The following NEDD9 variants were observed in gnomAD, a reference collection of about 807,000 sequenced individuals.
NEDD9 encodes the protein neural precursor cell expressed, developmentally down-regulated 9.
NEDD9 carries 26 observed loss-of-function variants against 76.6 expected under a neutral mutation model. The observed-to-expected ratio is 0.34, with a 90% CI of 0.25 to 0.47. The LOEUF is 0.47. Ranked by LOEUF, NEDD9 falls within the 20% of genes least tolerant of loss-of-function variation. The pLI, the probability that NEDD9 is intolerant of heterozygous loss-of-function variation, is 1.00. For missense variants in NEDD9, 937 were observed against 1,058.5 expected (o/e 0.89, Z 1.59); for synonymous variants, 392 against 414.2 (o/e 0.95, Z 0.65).
intron 1 of NEDD9, among the ~76,000 whole-genome samples, chr6:11,371,293 A>G (rs79493119): frequency 0.066 from 10,119 of 152,196 alleles, 368 homozygotes; most frequent in Non-Finnish European, 0.067. Context: ...CCCCAAGTCT[A>G]TAGTTGACAG....
chr6:11,273,354 T>C (rs1760352434), intron 3 of NEDD9, among the ~76,000 whole-genome samples: 2 of 152,246 alleles, frequency 1.3e-5, no homozygotes, highest in African/African-American at 2.4e-5. Context: ...ATCAGTTACT[T>C]AAGACTCTGG....
chr6:11,297,621 TC>T (rs1376929208), intron 3 of NEDD9, among the ~76,000 whole-genome samples: 2 of 152,216 alleles, frequency 1.3e-5, no homozygotes, highest in African/African-American at 4.8e-5. Context: ...TCTCATCTTC[TC>T]CCTTCAATGA....
chr6:11,233,972 A>G (rs1036691322), upstream of NEDD9, among the ~76,000 whole-genome samples: 1 of 152,046 alleles, frequency 6.6e-6, no homozygotes, highest in Non-Finnish European at 1.5e-5. Flanking sequence ...CTCTACTTTT[A>G]TGATCTAAGC....
chr6:11,360,856 C>T (rs1172304470), intron 1 of NEDD9, among the ~76,000 whole-genome samples: 2 of 152,134 alleles, frequency 1.3e-5, no homozygotes, highest in Non-Finnish European at 2.9e-5. Context: ...ATTCAAGAAA[C>T]AACAATGAGC....
chr6:11,275,547 C>CAT (rs1464929184), intron 3 of NEDD9, among the ~76,000 whole-genome samples: 12 of 147,866 alleles, frequency 8.1e-5, no homozygotes, highest in East Asian at 4.3e-4. Flanking sequence ...TACATACATA[C>CAT]ACACACACAC....
chr6:11,213,243 A>G lies in NEDD9; in HGVS notation c.459+38T>C. On this transcript the variant is annotated intron_variant, in intron 2 of 6. Transcript: ENST00000379446. The surrounding 1 kb of genome is among the most constrained non-coding windows in gnomAD (Gnocchi z 5.4). ...GCTCCAAGTGTAATGGGAAAAAAAA[A>G]TAAGTAGGAACAAAAATTTAGTTAG... 1 of 1,533,344 alleles carries G rather than the reference A, an allele frequency of 6.5e-7. No individual in the cohort carries two copies. Among genetic ancestry groups the G allele is most frequent in the African/African-American group, 1.4e-5 (1 of 72,126 alleles). The allele number at this position is 1,533,344 out of a possible 1,614,324, so 95.0% of individuals were successfully genotyped here.
At chr6:11,330,140 G>A (rs937328375) in intron 2 of NEDD9, among the ~76,000 whole-genome samples, 1 of 152,102 alleles carries the variant, frequency 6.6e-6, no homozygotes, top group Admixed American at 6.5e-5. Context: ...CCATGCAACT[G>A]GTAGCTACTC....
rs375651132 is a variant in NEDD9, at chr6:11,190,384, G to C, written c.1485C>G (p.Ser495=). The C allele has an allele frequency of 8.7e-6, 14 of 1,614,068 alleles. No individual in the cohort carries two copies. Among genetic ancestry groups the C allele is most frequent in the Admixed American group, 1.7e-5 (1 of 59,996 alleles). The change falls in exon 5 of 7, where the codon TCC becomes TCG. Residue 495 remains serine, a synonymous_variant. Transcript: ENST00000379446. This position sits in a 1 kb window ranked among gnomAD's most constrained non-coding sequence, Gnocchi z 5.8. ...GGCTGGTTTGACTCAGGATCTGGTG[G>C]GAGTCTTCAACTCGTTGCAGCTCCC... ...MKRELQRVED[S]HQILSQTSHD... is the part of the protein sequence containing the mutation.
chr6:11,321,491 G>A (rs907622701), intron 2 of NEDD9, among the ~76,000 whole-genome samples: 3 of 152,290 alleles, frequency 2.0e-5, no homozygotes, highest in African/African-American at 4.8e-5. Context: ...GCTTTGTTTC[G>A]TGTTTATCGG....
intron 2 of NEDD9, among the ~76,000 whole-genome samples, chr6:11,209,221 T>A (rs971098431): frequency 6.6e-6 from 1 of 152,256 alleles, no homozygotes; most frequent in African/African-American, 2.4e-5. Context: ...TTTCATATTT[T>A]GGAGTCAAAA....
chr6:11,234,926 G>A (rs1759568426), upstream of NEDD9, among the ~76,000 whole-genome samples: 1 of 152,044 alleles, frequency 6.6e-6, no homozygotes, highest in Non-Finnish European at 1.5e-5. Flanking sequence ...TGGCCAGGCT[G>A]GTCTCGAACT....
At chr6:11,319,728 ACACT>A in intron 2 of NEDD9, among the ~76,000 whole-genome samples, 2 of 133,654 alleles carry the variant, frequency 1.5e-5, no homozygotes, top group South Asian at 5.2e-4. Context: ...GCACACTCAC[ACACT>A]AACATGCACA....
intron 3 of NEDD9, among the ~76,000 whole-genome samples, chr6:11,243,566 C>G (rs1404149386): frequency 2.0e-5 from 3 of 152,216 alleles, no homozygotes. Context: ...TGCCTGCCAA[C>G]TCTATGATCT....
chr6:11,339,385 C>T (rs1178803879), intron 1 of NEDD9, among the ~76,000 whole-genome samples: 1 of 152,146 alleles, frequency 6.6e-6, no homozygotes, highest in Admixed American at 6.5e-5. Flanking sequence ...CACTTCTCAG[C>T]CTGGATGAGG....
At chr6:11,319,880 A>G (rs894407368) in intron 2 of NEDD9, among the ~76,000 whole-genome samples, 26 of 152,248 alleles carry the variant, frequency 1.7e-4, no homozygotes, top group African/African-American at 6.3e-4. Context: ...ACTAACATGC[A>G]CACATGCACA....
intron 2 of NEDD9, among the ~76,000 whole-genome samples, chr6:11,332,537 T>C (rs1762064357): frequency 6.6e-6 from 1 of 152,198 alleles, no homozygotes; most frequent in Admixed American, 6.5e-5. Context: ...GTGCCATGCC[T>C]TCATTTTAGA....
Position 11,371,690 on chromosome 6 carries a change from G to A in NEDD9, c.-214+10449C>T, listed in dbSNP as rs55849247. On this transcript the variant is annotated intron_variant, in intron 1 of 3. Coordinates refer to the NEDD9 transcript ENST00000397378. ...ATAACAGGTGAGAAATCGTGATGAC[G>A]CTTTCTTAGAAGAATTCCCCTCTTT... Among the ~76,000 whole-genome samples, 1,094 of 152,290 alleles carry A rather than the reference G, an allele frequency of 7.2e-3. 10 individuals are homozygous for A. The highest frequency in any genetic ancestry group is 0.04 in the East Asian group (207 of 5,180).
At chr6:11,273,127 CG>C (rs1760347005) in intron 3 of NEDD9, among the ~76,000 whole-genome samples, 1 of 152,154 alleles carries the variant, frequency 6.6e-6, no homozygotes, top group African/African-American at 2.4e-5. Flanking sequence ...ATTGCTTAAC[CG>C]TTGCCCAGTT....
rs1757931110 is a variant in NEDD9, at chr6:11,184,643, A to G, written c.*519T>C. On this transcript the variant is annotated 3_prime_UTR_variant, in exon 7 of 7. Transcript: ENST00000379446. ...TTTGAAAAGAGTTTTCCAAACAAGA[A>G]TAAGTCATGCTATGCCTCATGATTT... 2 of 153,892 alleles carry G rather than the reference A, an allele frequency of 1.3e-5. No individual in the cohort carries two copies. The highest frequency in any genetic ancestry group is 4.8e-5 in the African/African-American group (2 of 41,458). 9.5% of individuals were successfully genotyped at this position (153,892 alleles called of 1,614,324 possible).
Sources: gnomAD v4.1 joint callset for allele counts (sites outside exome capture counted in the v4.1 genomes callset) on GRCh38, gnomAD v4.1.1 for gene constraint, Gnocchi (gnomAD v3.1) non-coding constraint, MANE v1.5 for transcripts, NCBI Gene and HGNC (gene_info 2026-07-23, HGNC 2026-07-21) for gene names.